SDR42E2: variants seen among roughly 807,000 people sequenced by gnomAD.
SDR42E2 encodes the protein putative short-chain dehydrogenase/reductase family 42E member 2.
SDR42E2 carries 20 observed loss-of-function variants against 10.5 expected under a neutral mutation model. The ratio of observed to expected loss-of-function variants is 1.90; its 90% confidence interval spans 1.34 to 2.77. SDR42E2 has a LOEUF of 2.77. SDR42E2 is among the 30% of genes most tolerant of loss of function. The pLI, the probability that SDR42E2 is intolerant of heterozygous loss-of-function variation, is 0.00. For synonymous variants in SDR42E2, 72 were observed against 39.2 expected, an observed-to-expected ratio of 1.84 and a Z score of -3.12; for missense variants, 162 against 104.2, an observed-to-expected ratio of 1.55 and a Z score of -2.42.
chr16:22,182,011 A>G (rs1404226290), intron 9 of SDR42E2, among the ~76,000 whole-genome samples: 2 of 152,178 alleles, frequency 1.3e-5, no homozygotes, highest in African/African-American at 4.8e-5. Flanking sequence ...AAGTACAGAG[A>G]GGTTAAGCAA....
intron 12 of SDR42E2, among the ~76,000 whole-genome samples, chr16:22,188,944 C>G (rs1054510590): frequency 6.6e-6 from 1 of 152,134 alleles, no homozygotes; most frequent in Non-Finnish European, 1.5e-5. Flanking sequence ...CCAGGCAACT[C>G]AACACTGTAA....
intron 11 of SDR42E2, among the ~76,000 whole-genome samples, chr16:22,186,450 G>A (rs867125008): frequency 2.6e-5 from 4 of 151,838 alleles, no homozygotes; most frequent in Admixed American, 6.6e-5. Context: ...CAGGCAATCC[G>A]CCCGCCTCAG....
intron 7 of SDR42E2, among the ~76,000 whole-genome samples, chr16:22,177,013 T>A (rs1394790899): frequency 2.0e-5 from 3 of 152,198 alleles, no homozygotes; most frequent in Non-Finnish European, 2.9e-5. Context: ...AAACCAAGGC[T>A]GAGCTGGCTA....
In SDR42E2 at chr16:22,170,952, G is replaced by T. The variant is rs550403620; in HGVS notation, c.513+1G>T. ...TGTGCCATATTTCCCATTGGACGAG[G>T]TACCTGTCTTCCGGGAGAGGTGGGC... On this transcript the variant is annotated splice_donor_variant, in intron 6 of 12. Coordinates refer to ENST00000602312, the MANE Select transcript of SDR42E2 (RefSeq NM_001394319.2). LOFTEE classifies it high-confidence loss of function. 1 of 703,034 alleles carries T rather than the reference G, an allele frequency of 1.4e-6. No homozygotes were observed. The highest frequency in any genetic ancestry group is 2.0e-5 in the Admixed American group (1 of 50,010). The allele number at this position is 703,034 out of a possible 1,614,324, so 43.5% of individuals were successfully genotyped here.
chr16:22,173,899 G>GTATATATATATATATATA (rs2046621074), intron 7 of SDR42E2, among the ~76,000 whole-genome samples: 1 of 87,552 alleles, frequency 1.1e-5, no homozygotes, highest in African/African-American at 5.4e-5. Context: ...ATATATATGT[G>GTATATATATATATATATA]TGTGTGTATA....
At position 22,165,565 on chromosome 16, in the gene SDR42E2, T is replaced by C. The variant is rs2046527749; in HGVS notation, c.-18T>C. ...CCCACAGGTGGTCGGTTTCTGGGTC[T>C]GCATGGCTCAGTAGAGGATGAAGTC... On this transcript the variant is annotated 5_prime_UTR_variant, in exon 2 of 13. Transcript: ENST00000602312. The C allele has an allele frequency of 5.0e-6, 2 of 401,290 alleles. No homozygotes were observed. The highest frequency in any genetic ancestry group is 2.1e-5 in the African/African-American group (1 of 48,714). The allele number at this position is 401,290 out of a possible 1,614,324, so 24.9% of individuals were successfully genotyped here. A position where few individuals can be genotyped will look rare whatever the true frequency, so the allele number is the denominator to read the frequency against.
chr16:22,174,578 G>A (rs878924741), intron 7 of SDR42E2, among the ~76,000 whole-genome samples: 1 of 151,046 alleles, frequency 6.6e-6, no homozygotes, highest in Admixed American at 6.6e-5. Flanking sequence ...CATCACCCTG[G>A]GCCAGTTAGG....
intron 12 of SDR42E2, among the ~76,000 whole-genome samples, chr16:22,188,128 TC>T (rs2046748177): frequency 6.6e-6 from 1 of 151,524 alleles, no homozygotes; most frequent in Admixed American, 6.6e-5. Context: ...CAGTCCACTC[TC>T]GTTTTATTGT....
chr16:22,185,149 C>A lies in SDR42E2; in HGVS notation c.940+905C>A, dbSNP rs1010867900. 5.9e-5 allele frequency among the ~76,000 whole-genome samples: 9 copies of A among 152,276 alleles called. No individual in the cohort carries two copies. In the South Asian group the frequency reaches 1.9e-3, roughly 32 times the overall value. ...TCTTGGCTGCTCCCCTTCCCTCTGT[C>A]CCCAGCACCCATACAATGGCCTCCT... On this transcript the variant is annotated intron_variant, in intron 11 of 12. Transcript: ENST00000602312.
At chr16:22,172,428 C>T (rs1322428339) in intron 7 of SDR42E2, 97 bp downstream of exon 7, 1 of 691,006 alleles carries the variant, frequency 1.4e-6, no homozygotes, top group Non-Finnish European at 2.7e-6. Flanking sequence ...TGTCTGAGGC[C>T]CACCTTCCTT....
chr16:22,184,942 T>A (rs1053318054), intron 11 of SDR42E2, among the ~76,000 whole-genome samples: 2 of 152,088 alleles, frequency 1.3e-5, no homozygotes, highest in African/African-American at 4.8e-5. Context: ...GGGCTCTTTG[T>A]GGTGCTGCTG....
At chr16:22,181,371 G>A (rs926991859) in intron 8 of SDR42E2, 148 bp from the exon 9 acceptor site, 13 of 616,362 alleles carry the variant, frequency 2.1e-5, no homozygotes, top group East Asian at 8.3e-5. Context: ...TAGACAACCC[G>A]TTGCTGATAT....
intron 3 of SDR42E2, 132 bp downstream of exon 3, chr16:22,166,566 C>T (rs1049980707): frequency 1.2e-5 from 5 of 402,658 alleles, no homozygotes; most frequent in Non-Finnish European, 2.2e-5. Context: ...ATAGCTCTGG[C>T]TCTGGTGCTA....
intron 7 of SDR42E2, among the ~76,000 whole-genome samples, chr16:22,174,510 C>G (rs1329661894): frequency 6.6e-6 from 1 of 152,082 alleles, no homozygotes; most frequent in African/African-American, 2.4e-5. Flanking sequence ...GAGCAGGTCC[C>G]TGAGCATCAA....
chr16:22,179,713 T>A (rs532783003), intron 8 of SDR42E2, among the ~76,000 whole-genome samples: 1 of 150,768 alleles, frequency 6.6e-6, no homozygotes, highest in East Asian at 2.0e-4. Context: ...CGCAGGAGGC[T>A]GAGGCAGGAG....
intron 12 of SDR42E2, 52 bp from the exon 13 acceptor site, chr16:22,190,087 G>T: frequency 2.5e-6 from 1 of 400,856 alleles, no homozygotes; most frequent in South Asian, 1.3e-4. Flanking sequence ...CGAAGTAGAG[G>T]ATGTCCTCCT....
chr16:22,183,021 T>TA (rs1200646972), intron 10 of SDR42E2, among the ~76,000 whole-genome samples: 4 of 151,988 alleles, frequency 2.6e-5, no homozygotes, highest in Non-Finnish European at 4.4e-5. Flanking sequence ...TCAATTTTTT[T>TA]AAAAAAACAC....
intron 1 of SDR42E2, among the ~76,000 whole-genome samples, chr16:22,163,331 C>T (rs2142054708): frequency 6.6e-6 from 1 of 152,240 alleles, no homozygotes; most frequent in East Asian, 1.9e-4. Context: ...AGGAGGAGGG[C>T]TCGCTGTGGG....
chr16:22,190,683 G>A lies in SDR42E2; in HGVS notation c.*290G>A. On this transcript the variant is annotated 3_prime_UTR_variant, in exon 13 of 13. Transcript: ENST00000602312. The stretch of plus-strand genomic sequence containing the variant: ...TCCGAAGTGGGCACGCTCCTGCTCC[G>A]CCCCCTGAATCCTGGCCACGTCCCT... The A allele has an allele frequency of 3.1e-6, 1 of 324,584 alleles. No homozygotes were observed. Among genetic ancestry groups the A allele is most frequent in the Non-Finnish European group, 5.3e-6 (1 of 189,728 alleles). The allele number at this position is 324,584 out of a possible 1,614,324, so 20.1% of individuals were successfully genotyped here.
Sources: allele counts gnomAD v4.1 joint callset (sites outside exome capture counted in the v4.1 genomes callset), GRCh38; gene constraint gnomAD v4.1.1; transcripts MANE v1.5; gene names NCBI Gene and HGNC (gene_info 2026-07-23, HGNC 2026-07-21).